FAM120A: variants seen among roughly 807,000 people sequenced by gnomAD.
FAM120A encodes constitutive coactivator of PPAR-gamma-like protein 1.
Under a neutral mutation model 109.7 loss-of-function variants are expected in FAM120A, and 15 were observed. The ratio of observed to expected loss-of-function variants is 0.14; its 90% CI spans 0.09 to 0.21. FAM120A has a LOEUF of 0.21. Among genes scored for constraint, FAM120A ranks in the 10% least tolerant of loss-of-function variants. The probability of loss-of-function intolerance (pLI) is 1.00; values close to 1 mark genes in which losing one functional copy is unlikely to be tolerated. For synonymous variants in FAM120A, 493 were observed against 572.8 expected (o/e 0.86, Z 1.99); for missense variants, 899 against 1,439.3 (o/e 0.62, Z 6.07).
In FAM120A at chr9:93,530,045, T is replaced by C. The variant is rs527315560; in HGVS notation, c.1734+465T>C. The C allele has an allele frequency of 2.6e-5, 6 of 227,668 alleles. No homozygotes were observed. The South Asian group carries it at 3.1e-4, about 12-fold the overall frequency. 14.1% of individuals were successfully genotyped at this position (227,668 alleles called of 1,614,324 possible). ...GTGTTTTGACTTGTTCATGACCTCA[T>C]TGAGTGCAGTTTTAATAGTGCTAAG... On this transcript the variant is annotated intron_variant, in intron 9 of 17. Transcript: ENST00000277165.
chr9:93,491,766 A>G (rs1430335464), intron 3 of FAM120A, among the ~76,000 whole-genome samples: 1 of 152,180 alleles, frequency 6.6e-6, no homozygotes, highest in Non-Finnish European at 1.5e-5. Flanking sequence ...TAGAGATAGA[A>G]TGTACATATG....
In FAM120A at chr9:93,561,730, T is replaced by C. The variant is rs538091970; in HGVS notation, c.2949-478T>C. Among the ~76,000 whole-genome samples the C allele has an allele frequency of 2.0e-5, 3 of 152,298 alleles. No individual in the cohort carries two copies. The South Asian group carries it at 6.2e-4, about 32-fold the overall frequency. On this transcript the variant is annotated intron_variant, in intron 16 of 17. Transcript: ENST00000277165. ...TTTATAATGTTTGCATAGGATCCCATTTATAGTATTATGTAATTATTTAAT... is the reference window on the plus strand; with the variant it reads ...TTTATAATGTTTGCATAGGATCCCACTTATAGTATTATGTAATTATTTAAT...
intron 3 of FAM120A, among the ~76,000 whole-genome samples, chr9:93,496,750 G>A (rs988975068): frequency 6.6e-6 from 1 of 152,258 alleles, no homozygotes; most frequent in Admixed American, 6.5e-5. Flanking sequence ...GATGTGGACA[G>A]CTTTGGGAGG....
At chr9:93,497,422 G>T in intron 3 of FAM120A, 49 bp from the exon 4 acceptor site, 2 of 1,605,352 alleles carry the variant, frequency 1.2e-6, no homozygotes, top group African/African-American at 1.3e-5. Flanking sequence ...GATTAGCCTG[G>T]TACTGGTTGC....
chr9:93,542,664 G>C (rs149544211), intron 10 of FAM120A, among the ~76,000 whole-genome samples: 1 of 152,152 alleles, frequency 6.6e-6, no homozygotes, highest in African/African-American at 2.4e-5. Context: ...TGGAATATTT[G>C]CATCTACTTG....
At chr9:93,507,943 T>C (rs1480064287) in intron 5 of FAM120A, among the ~76,000 whole-genome samples, 1 of 152,118 alleles carries the variant, frequency 6.6e-6, no homozygotes, top group African/African-American at 2.4e-5. Context: ...GGGGTGGGGC[T>C]TTGAAATGCA....
chr9:93,462,893 G>A (rs1036416095), intron 1 of FAM120A, among the ~76,000 whole-genome samples: 1 of 152,218 alleles, frequency 6.6e-6, no homozygotes, highest in Non-Finnish European at 1.5e-5. Context: ...ATAACATTCT[G>A]TTGTATTGGA....
chr9:93,521,380 G>A (rs1860838627), intron 7 of FAM120A, among the ~76,000 whole-genome samples: 1 of 152,166 alleles, frequency 6.6e-6, no homozygotes, highest in Non-Finnish European at 1.5e-5. Flanking sequence ...ACTTTGAGAG[G>A]CTGAGGCAGG....
Position 93,564,566 on chromosome 9 carries a change from A to C in FAM120A, c.*26A>C. ...ACTTATTTTTTATAGAGGGTGAAGG[A>C]TGCTGGAAGGGTAAGGATTTAGGAA... On this transcript the variant is annotated 3_prime_UTR_variant, in exon 18 of 18. Coordinates refer to ENST00000277165, the MANE Select transcript of FAM120A (RefSeq NM_014612.5). The C allele has an allele frequency of 6.4e-7, 1 of 1,561,986 alleles. No homozygotes were observed. Among genetic ancestry groups the C allele is most frequent in the Non-Finnish European group, 8.7e-7 (1 of 1,143,506 alleles).
At chr9:93,527,409 C>A (rs1012139225) in intron 8 of FAM120A, among the ~76,000 whole-genome samples, 167 bp downstream of exon 8, 1 of 152,032 alleles carries the variant, frequency 6.6e-6, no homozygotes, top group African/African-American at 2.4e-5. Flanking sequence ...TATGCCCAAG[C>A]CGGCTAGTCT....
intron 10 of FAM120A, among the ~76,000 whole-genome samples, chr9:93,541,978 C>A (rs1328896082): frequency 6.6e-6 from 1 of 152,180 alleles, no homozygotes; most frequent in Non-Finnish European, 1.5e-5. Flanking sequence ...TATTTAGACT[C>A]AGAGTGGAAC....
At chr9:93,545,902 C>T (rs1861870323) in intron 11 of FAM120A, among the ~76,000 whole-genome samples, 1 of 149,094 alleles carries the variant, frequency 6.7e-6, no homozygotes, top group Non-Finnish European at 1.5e-5. Flanking sequence ...TCTCCTGCCT[C>T]AGCCTCCCAA....
intron 3 of FAM120A, among the ~76,000 whole-genome samples, chr9:93,496,469 T>G (rs1297279958): frequency 6.6e-6 from 1 of 152,250 alleles, no homozygotes; most frequent in Non-Finnish European, 1.5e-5. Flanking sequence ...TCAACAGGCA[T>G]GAAGACAACA....
chr9:93,472,833 C>T (rs1223427933), intron 2 of FAM120A, among the ~76,000 whole-genome samples: 4 of 152,110 alleles, frequency 2.6e-5, no homozygotes, highest in Non-Finnish European at 4.4e-5. Flanking sequence ...TTCTCCCAAT[C>T]GGTCTCAAAG....
chr9:93,498,924 T>C lies in FAM120A; in HGVS notation c.1030+38T>C, dbSNP rs1317446612. ...AAGCCTGTGATCAATATTGACCATA[T>C]GATAATCCAAGTAGGTTTAAATATT... On this transcript the variant is annotated intron_variant, in intron 5 of 17. Coordinates refer to ENST00000277165, the MANE Select transcript of FAM120A (RefSeq NM_014612.5). The surrounding 1 kb of genome is among the most constrained non-coding windows in gnomAD (Gnocchi z 4.4). 8.5e-7 allele frequency: 1 copy of C among 1,169,630 alleles called. No homozygotes were observed. Among genetic ancestry groups the C allele is most frequent in the Non-Finnish European group, 1.3e-6 (1 of 778,316 alleles). 72.5% of individuals were successfully genotyped at this position (1,169,630 alleles called of 1,614,324 possible).
At chr9:93,485,600 C>CA (rs1332852515) in intron 3 of FAM120A, among the ~76,000 whole-genome samples, 2 of 151,936 alleles carry the variant, frequency 1.3e-5, no homozygotes, top group Admixed American at 6.6e-5. Flanking sequence ...CCTATCTCCA[C>CA]AAAAAATAAA....
intron 8 of FAM120A, among the ~76,000 whole-genome samples, chr9:93,528,441 C>T (rs1861180462): frequency 6.6e-6 from 1 of 152,176 alleles, no homozygotes; most frequent in African/African-American, 2.4e-5. Flanking sequence ...GTTTATTATA[C>T]AAATAATCAT....
At chr9:93,512,587 AG>A (rs1190243790) in intron 5 of FAM120A, among the ~76,000 whole-genome samples, 2 of 151,172 alleles carry the variant, frequency 1.3e-5, no homozygotes, top group Admixed American at 1.3e-4. Context: ...AAAGGAAGAG[AG>A]TGAGAAACTG....
chr9:93,548,630 G>T (rs1214670397), intron 11 of FAM120A, among the ~76,000 whole-genome samples: 1 of 152,110 alleles, frequency 6.6e-6, no homozygotes, highest in South Asian at 2.1e-4. Flanking sequence ...AAAATAAAAG[G>T]AATATAAAAC....
Sources: gnomAD v4.1 joint callset for allele counts (sites outside exome capture counted in the v4.1 genomes callset) on GRCh38, gnomAD v4.1.1 for gene constraint, Gnocchi (gnomAD v3.1) non-coding constraint, MANE v1.5 for transcripts, NCBI Gene and HGNC (gene_info 2026-07-23, HGNC 2026-07-21) for gene names.